Variants in ZMAT4 observed in about 807,000 individuals in gnomAD.
ZMAT4 encodes zinc finger matrin-type 4.
In ZMAT4, 17 loss-of-function variants were observed where a neutral mutation model predicts 28.7. The ratio of observed to expected loss-of-function variants is 0.59; its 90% CI spans 0.41 to 0.89. The LOEUF is 0.89. Ranked by LOEUF, ZMAT4 falls within the 40% of genes least tolerant of loss-of-function variation. The pLI, the probability that ZMAT4 is intolerant of heterozygous loss-of-function variation, is 0.00. For missense variants in ZMAT4, 240 were observed against 283.8 expected, an observed-to-expected ratio of 0.85 and a Z score of 1.11; for synonymous variants, 117 against 109.2, an observed-to-expected ratio of 1.07 and a Z score of -0.44.
At chr8:40,606,920 G>T (rs1805612591) in intron 5 of ZMAT4, among the ~76,000 whole-genome samples, 1 of 151,690 alleles carries the variant, frequency 6.6e-6, no homozygotes, top group Non-Finnish European at 1.5e-5. Context: ...TTTTTTCTTT[G>T]TCTTTGTTGG....
intron 3 of ZMAT4, among the ~76,000 whole-genome samples, chr8:40,734,737 C>T (rs1161788027): frequency 6.6e-6 from 1 of 152,100 alleles, no homozygotes; most frequent in Non-Finnish European, 1.5e-5. Flanking sequence ...TTCCAGAACA[C>T]CACCATCCCA....
At chr8:40,727,140 G>A (rs1321692636) in intron 3 of ZMAT4, among the ~76,000 whole-genome samples, 1 of 152,136 alleles carries the variant, frequency 6.6e-6, no homozygotes, top group East Asian at 1.9e-4. Flanking sequence ...TGGTTTGGAG[G>A]TCTAATAAAC....
At chr8:40,621,595 C>T (rs1806199354) in intron 5 of ZMAT4, among the ~76,000 whole-genome samples, 1 of 152,200 alleles carries the variant, frequency 6.6e-6, no homozygotes, top group South Asian at 2.1e-4. Flanking sequence ...GAACAAGTAA[C>T]AATACTGACA....
intron 5 of ZMAT4, among the ~76,000 whole-genome samples, chr8:40,648,305 A>C (rs1329502337): frequency 6.6e-6 from 1 of 151,624 alleles, no homozygotes; most frequent in Admixed American, 6.6e-5. Flanking sequence ...GATGCGATCA[A>C]CTGGAAGAAA....
chr8:40,783,776 C>T (rs1165855303), intron 2 of ZMAT4, among the ~76,000 whole-genome samples: 2 of 151,980 alleles, frequency 1.3e-5, no homozygotes, highest in African/African-American at 4.8e-5. Flanking sequence ...TTTGGAAGGC[C>T]GAGGTGGGCG....
At chr8:40,812,872 G>A (rs1171614427) in intron 2 of ZMAT4, among the ~76,000 whole-genome samples, 1 of 151,846 alleles carries the variant, frequency 6.6e-6, no homozygotes, top group Non-Finnish European at 1.5e-5. Flanking sequence ...GGTGAAGGTT[G>A]CAGTGAGCCG....
chr8:40,806,525 G>A (rs575081623), intron 2 of ZMAT4, among the ~76,000 whole-genome samples: 19 of 152,184 alleles, frequency 1.2e-4, no homozygotes, highest in South Asian at 4.1e-4. Flanking sequence ...ACCACATTTC[G>A]TTTTTAATTA....
chr8:40,628,604 G>A (rs1043014328), intron 5 of ZMAT4, among the ~76,000 whole-genome samples: 4 of 152,084 alleles, frequency 2.6e-5, no homozygotes, highest in African/African-American at 7.2e-5. Flanking sequence ...AGCTGTGGTC[G>A]AGGTGTGAAA....
chr8:40,873,041 G>A (rs550570474), intron 1 of ZMAT4, among the ~76,000 whole-genome samples: 2 of 151,834 alleles, frequency 1.3e-5, no homozygotes, highest in African/African-American at 2.4e-5. Flanking sequence ...AGCCCCAAGA[G>A]GTTAAAAAAA....
chr8:40,651,777 G>A (rs1286425153), intron 5 of ZMAT4, among the ~76,000 whole-genome samples: 5 of 144,226 alleles, frequency 3.5e-5, no homozygotes, highest in South Asian at 2.4e-4. Flanking sequence ...AAATAACGCC[G>A]CATATCTACA....
At chr8:40,764,110 C>T (rs1586014320) in intron 3 of ZMAT4, among the ~76,000 whole-genome samples, 1 of 152,072 alleles carries the variant, frequency 6.6e-6, no homozygotes, top group Admixed American at 6.5e-5. Context: ...GGGTGAAAAA[C>T]GGAGACTCTC....
chr8:40,697,391 G>T lies in ZMAT4; in HGVS notation c.203C>A (p.Ala68Asp). 2 of 1,590,380 alleles carry T rather than the reference G, an allele frequency of 1.3e-6. No individual in the cohort carries two copies. Among genetic ancestry groups the T allele is most frequent in the East Asian group, 2.3e-5 (1 of 44,042 alleles). ...KRLRSENGSD[A>D]DMVDKNKCCT... ...GCACTTGTTCTTATCCACCATGTCG[G>T]CATCACTTCCCTGCGCAGGGAGAAA... Residue 68 changes from alanine (A) to aspartate (D), a missense_variant, in exon 4 of 7, where the codon GCC (alanine) becomes GAC (aspartate). Transcript: ENST00000297737.
intron 5 of ZMAT4, among the ~76,000 whole-genome samples, chr8:40,631,825 G>A (rs113029528): frequency 1.4e-4 from 22 of 152,304 alleles, no homozygotes; most frequent in African/African-American, 4.6e-4. Flanking sequence ...GCTGTAAAAG[G>A]TGTCTGAACA....
chr8:40,576,079 A>T (rs1044757141), intron 6 of ZMAT4, among the ~76,000 whole-genome samples: 1 of 152,102 alleles, frequency 6.6e-6, no homozygotes, highest in African/African-American at 2.4e-5. Flanking sequence ...ATAATTTCTA[A>T]GCTTGAATAT....
chr8:40,639,525 C>T (rs1047439554), intron 5 of ZMAT4, among the ~76,000 whole-genome samples: 1 of 152,078 alleles, frequency 6.6e-6, no homozygotes, highest in Non-Finnish European at 1.5e-5. Flanking sequence ...AGACAAAAAT[C>T]TCATTTTTCT....
intron 2 of ZMAT4, among the ~76,000 whole-genome samples, chr8:40,808,833 C>T (rs1244360179): frequency 1.3e-5 from 2 of 149,114 alleles, no homozygotes; most frequent in African/African-American, 4.9e-5. Flanking sequence ...AGATGCTTAT[C>T]CTGGATGCCA....
chr8:40,714,441 C>A (rs1563430444), intron 3 of ZMAT4, among the ~76,000 whole-genome samples: 1 of 152,040 alleles, frequency 6.6e-6, no homozygotes, highest in Non-Finnish European at 1.5e-5. Context: ...TAGGAAAAAG[C>A]TATTATTGGA....
At chr8:40,881,543 AAAG>A (rs1460904915) in intron 1 of ZMAT4, among the ~76,000 whole-genome samples, 5 of 65,896 alleles carry the variant, frequency 7.6e-5, no homozygotes, top group African/African-American at 3.3e-4. Flanking sequence ...AGAAAGAAAG[AAAG>A]AAAGAAAGAA....
rs141708580 is a variant in ZMAT4, at chr8:40,623,242, C to T, written c.578-41981G>A. On this transcript the variant is annotated intron_variant, in intron 5 of 6. Coordinates refer to ENST00000297737, the MANE Select transcript of ZMAT4 (RefSeq NM_024645.3). ...AAGCCCAGCTAGAGAATAACATGGT[C>T]ATCCGAGTTCCTGGCTTCATGGCAG... Among the ~76,000 whole-genome samples the T allele has an allele frequency of 9.3e-4, 142 of 152,270 alleles. No individual in the cohort carries two copies. In the East Asian group the frequency reaches 0.025, roughly 27 times the overall value.
Sources: allele counts gnomAD v4.1 joint callset (sites outside exome capture counted in the v4.1 genomes callset), GRCh38; gene constraint gnomAD v4.1.1; transcripts MANE v1.5; gene names NCBI Gene and HGNC (gene_info 2026-07-23, HGNC 2026-07-21).